Variants in ZCCHC7 observed in about 807,000 individuals in gnomAD.
ZCCHC7 encodes the protein zinc finger CCHC-type containing 7.
Under a neutral mutation model 52.0 loss-of-function variants are expected in ZCCHC7, and 35 were observed. That is an observed-to-expected ratio of 0.67 (90% CI 0.51 to 0.89). The LOEUF is 0.89. ZCCHC7 is among the 40% of genes least tolerant of loss of function. The probability of loss-of-function intolerance (pLI) is 0.00; values close to 1 mark genes in which losing one functional copy is unlikely to be tolerated. For synonymous variants in ZCCHC7, 217 were observed against 221.5 expected (o/e 0.98, Z 0.18); for missense variants, 574 against 649.1 (o/e 0.88, Z 1.26).
At chr9:37,308,555 A>C (rs1055132767) in intron 5 of ZCCHC7, among the ~76,000 whole-genome samples, 4 of 152,188 alleles carry the variant, frequency 2.6e-5, no homozygotes, top group Non-Finnish European at 4.4e-5. Context: ...TTTGGCCTCT[A>C]ATATATGTTA....
intron 2 of ZCCHC7, among the ~76,000 whole-genome samples, chr9:37,205,609 C>A (rs1029463334): frequency 6.6e-6 from 1 of 152,226 alleles, no homozygotes; most frequent in African/African-American, 2.4e-5. Flanking sequence ...CTCCACCTCT[C>A]AGGTTCAAGC....
intron 2 of ZCCHC7, among the ~76,000 whole-genome samples, chr9:37,208,170 G>C (rs1488856997): frequency 2.6e-5 from 4 of 151,988 alleles, no homozygotes; most frequent in Non-Finnish European, 5.9e-5. Flanking sequence ...ACACATCCTC[G>C]ACCTCCTGGG....
chr9:37,257,106 T>C (rs1826627692), intron 2 of ZCCHC7, among the ~76,000 whole-genome samples: 1 of 152,172 alleles, frequency 6.6e-6, no homozygotes, highest in Non-Finnish European at 1.5e-5. Flanking sequence ...TTTTAGAGAA[T>C]ACAAGACTGA....
intron 2 of ZCCHC7, among the ~76,000 whole-genome samples, chr9:37,268,177 A>C (rs1364272154): frequency 3.3e-5 from 5 of 152,210 alleles, no homozygotes; most frequent in Non-Finnish European, 7.3e-5. Context: ...CACAGAGCCT[A>C]ATACAAAACA....
rs1820790202 is a variant in ZCCHC7 at position 37,155,927 on chromosome 9, A to G, written c.610+28985A>G. The stretch of plus-strand genomic sequence containing the variant: ...GCACTAGATAAACCTACAAAGGTAA[A>G]TAAGACTAGAGTTCCTGACCTGTCA... On this transcript the variant is annotated intron_variant, in intron 2 of 8. Coordinates refer to ENST00000336755, the MANE Select transcript of ZCCHC7 (RefSeq NM_032226.3). Among the ~76,000 whole-genome samples, 7 of 152,234 alleles carry G rather than the reference A, an allele frequency of 4.6e-5. No individual in the cohort carries two copies. In the South Asian group the frequency reaches 1.2e-3, roughly 27 times the overall value.
chr9:37,168,289 A>G (rs1821538391), intron 2 of ZCCHC7, among the ~76,000 whole-genome samples: 1 of 151,666 alleles, frequency 6.6e-6, no homozygotes, highest in Non-Finnish European at 1.5e-5. Flanking sequence ...TTATTTTTTG[A>G]TGGTTTCAGG....
chr9:37,221,680 G>A (rs1445115944), intron 2 of ZCCHC7, among the ~76,000 whole-genome samples: 2 of 152,100 alleles, frequency 1.3e-5, no homozygotes, highest in Admixed American at 6.6e-5. Context: ...AGTAAGATTT[G>A]AATAGAGAAA....
intron 2 of ZCCHC7, among the ~76,000 whole-genome samples, chr9:37,272,260 ATTTATCT>A (rs1827453940): frequency 6.6e-6 from 1 of 152,056 alleles, no homozygotes; most frequent in African/African-American, 2.4e-5. Flanking sequence ...AGTAAATGGG[ATTTATCT>A]TTTTGTGTAG....
intron 5 of ZCCHC7, among the ~76,000 whole-genome samples, chr9:37,307,162 C>G (rs1355524344): frequency 6.6e-6 from 1 of 152,034 alleles, no homozygotes. Flanking sequence ...CTTTAAATTG[C>G]AGCATATTAA....
chr9:37,296,201 A>G (rs1379610074), intron 2 of ZCCHC7, among the ~76,000 whole-genome samples: 1 of 152,208 alleles, frequency 6.6e-6, no homozygotes, highest in Non-Finnish European at 1.5e-5. Flanking sequence ...AAAGGTAGAC[A>G]GTGTTGGAGA....
At chr9:37,258,231 T>G (rs1826686131) in intron 2 of ZCCHC7, among the ~76,000 whole-genome samples, 1 of 152,184 alleles carries the variant, frequency 6.6e-6, no homozygotes, top group African/African-American at 2.4e-5. Flanking sequence ...GGACCATTTT[T>G]ACATCAGCGC....
At chr9:37,251,622 TG>T (rs1022141624) in intron 2 of ZCCHC7, among the ~76,000 whole-genome samples, 2 of 152,130 alleles carry the variant, frequency 1.3e-5, no homozygotes, top group African/African-American at 4.8e-5. Flanking sequence ...CAAAAAGGAT[TG>T]AAAGTTGTAT....
chr9:37,161,556 CA>C (rs1821107315), intron 2 of ZCCHC7, among the ~76,000 whole-genome samples: 1 of 151,076 alleles, frequency 6.6e-6, no homozygotes, highest in East Asian at 1.9e-4. Context: ...GCCTGAGGGA[CA>C]GAGCAAGACT....
At chr9:37,343,192 A>C (rs1820748877) in intron 6 of ZCCHC7, among the ~76,000 whole-genome samples, 1 of 152,190 alleles carries the variant, frequency 6.6e-6, no homozygotes, top group South Asian at 2.1e-4. Context: ...TGTCTTTTGA[A>C]TTGTGTGCCA....
chr9:37,329,770 G>A (rs1049742139), intron 6 of ZCCHC7, among the ~76,000 whole-genome samples: 1 of 151,798 alleles, frequency 6.6e-6, no homozygotes, highest in African/African-American at 2.4e-5. Flanking sequence ...ACTAGGCGAT[G>A]GACTGCCATC....
At chr9:37,242,878 C>G (rs1473786272) in intron 2 of ZCCHC7, among the ~76,000 whole-genome samples, 2 of 151,804 alleles carry the variant, frequency 1.3e-5, no homozygotes, top group Admixed American at 6.6e-5. Context: ...TTCTTTGTAT[C>G]AGCACCCTGA....
intron 2 of ZCCHC7, among the ~76,000 whole-genome samples, chr9:37,199,515 T>G (rs1030745714): frequency 2.0e-5 from 3 of 151,948 alleles, no homozygotes; most frequent in African/African-American, 4.8e-5. Context: ...GTAATTTTAC[T>G]AGACACAGGG....
chr9:37,241,551 A>G (rs551895644), intron 2 of ZCCHC7, among the ~76,000 whole-genome samples: 1 of 151,990 alleles, frequency 6.6e-6, no homozygotes, highest in Non-Finnish European at 1.5e-5. Context: ...TGATTCAGGA[A>G]GTAAGGTTGA....
At chr9:37,180,899 G>A (rs1231050431) in intron 2 of ZCCHC7, among the ~76,000 whole-genome samples, 3 of 151,904 alleles carry the variant, frequency 2.0e-5, no homozygotes, top group Admixed American at 6.6e-5. Flanking sequence ...TGGTCATTTC[G>A]GATGATATGA....
Sources: allele counts gnomAD v4.1 joint callset (sites outside exome capture counted in the v4.1 genomes callset), GRCh38; gene constraint gnomAD v4.1.1; transcripts MANE v1.5; gene names NCBI Gene and HGNC (gene_info 2026-07-23, HGNC 2026-07-21).